The following PKIB variants were observed in gnomAD, a reference collection of about 807,000 sequenced individuals.
PKIB encodes PKI-beta.
Under a neutral mutation model 4.5 loss-of-function variants are expected in PKIB, and 2 were observed. That is an observed-to-expected ratio of 0.44 (90% CI 0.18 to 1.39). PKIB has a LOEUF of 1.39. Among genes scored for constraint, PKIB ranks in the 40% most tolerant of loss-of-function variants. The pLI is 0.27. For missense variants in PKIB, 94 were observed against 92.6 expected, an observed-to-expected ratio of 1.02 and a Z score of -0.06; for synonymous variants, 38 against 36.0, an observed-to-expected ratio of 1.06 and a Z score of -0.20.
chr6:122,618,504 G>A (rs1217126548), intron 1 of PKIB, among the ~76,000 whole-genome samples: 4 of 151,680 alleles, frequency 2.6e-5, no homozygotes, highest in African/African-American at 9.7e-5. Context: ...ATGAAAATCA[G>A]AAATTTCAGA....
chr6:122,640,638 T>C (rs1387654545), intron 2 of PKIB, among the ~76,000 whole-genome samples: 1 of 152,206 alleles, frequency 6.6e-6, no homozygotes. Flanking sequence ...GTATCAACTG[T>C]TGCATAATTT....
chr6:122,662,307 CCTTTT>C (rs1777030104), intron 2 of PKIB, among the ~76,000 whole-genome samples: 1 of 14,514 alleles, frequency 6.9e-5, no homozygotes, highest in Non-Finnish European at 1.8e-4. Flanking sequence ...TTCCTTGTCT[CCTTTT>C]TTTTTTTTTT....
At chr6:122,613,471 C>T (rs901136296) in intron 1 of PKIB, among the ~76,000 whole-genome samples, 1 of 152,098 alleles carries the variant, frequency 6.6e-6, no homozygotes, top group African/African-American at 2.4e-5. Flanking sequence ...TAGACCAGGG[C>T]TCTGGTTTTC....
At chr6:122,566,989 T>TA (rs1370066175) in intron 2 of PKIB, among the ~76,000 whole-genome samples, 1 of 152,188 alleles carries the variant, frequency 6.6e-6, no homozygotes, top group Non-Finnish European at 1.5e-5. Context: ...CCTGGCTCGA[T>TA]ATACAGTGTC....
In PKIB at chr6:122,506,368, T is replaced by A. The variant is rs182517275; in HGVS notation, c.-248+28429T>A. 5.0e-3 allele frequency among the ~76,000 whole-genome samples: 765 copies of A among 152,310 alleles called. 7 individuals carry two copies. Among genetic ancestry groups the A allele is most frequent in the African/African-American group, 0.017 (711 of 41,568 alleles). ...AAATTGAAGTCTCTCATCATTTTTT[T>A]AAAGATTATATATATTTTTAAACCC... On this transcript the variant is annotated intron_variant, in intron 2 of 6. Coordinates refer to the PKIB transcript ENST00000392491.
chr6:122,664,751 T>G (rs565416696), intron 2 of PKIB, among the ~76,000 whole-genome samples: 1 of 152,300 alleles, frequency 6.6e-6, no homozygotes, highest in African/African-American at 2.4e-5. Flanking sequence ...TTGTTTTGTT[T>G]ATAGCCTTCT....
intron 3 of PKIB, among the ~76,000 whole-genome samples, chr6:122,684,093 A>G (rs1434829514): frequency 6.6e-6 from 1 of 152,218 alleles, no homozygotes; most frequent in Non-Finnish European, 1.5e-5. Flanking sequence ...ACAGAAAGAC[A>G]AATGCTGCAT....
intron 3 of PKIB, among the ~76,000 whole-genome samples, chr6:122,696,640 A>T (rs1255261414): frequency 1.3e-5 from 2 of 152,222 alleles, no homozygotes; most frequent in African/African-American, 4.8e-5. Context: ...AAGTGATTTC[A>T]TGGACCTCAT....
At chr6:122,575,790 C>T (rs1420459392) in intron 2 of PKIB, among the ~76,000 whole-genome samples, 1 of 152,054 alleles carries the variant, frequency 6.6e-6, no homozygotes. Flanking sequence ...GGGTAAAAGG[C>T]TATATATTGG....
chr6:122,506,334 CTGA>C (rs1371961424), intron 2 of PKIB, among the ~76,000 whole-genome samples: 3 of 152,126 alleles, frequency 2.0e-5, no homozygotes, highest in African/African-American at 7.2e-5. Flanking sequence ...GGGAAGAAAA[CTGA>C]TACACAAATT....
chr6:122,654,646 T>G (rs1214687372), intron 2 of PKIB, among the ~76,000 whole-genome samples: 1 of 152,184 alleles, frequency 6.6e-6, no homozygotes, highest in East Asian at 1.9e-4. Flanking sequence ...TAAACCTACA[T>G]TTTGGTGTTC....
intron 2 of PKIB, among the ~76,000 whole-genome samples, chr6:122,564,999 T>C (rs532262565): frequency 2.0e-4 from 30 of 152,250 alleles, no homozygotes; most frequent in East Asian, 7.7e-4. Context: ...TCAAGAGAAG[T>C]GTGAGTTTGT....
At chr6:122,576,282 G>A (rs1773527075) in intron 2 of PKIB, among the ~76,000 whole-genome samples, 1 of 151,516 alleles carries the variant, frequency 6.6e-6, no homozygotes, top group Non-Finnish European at 1.5e-5. Context: ...GGCGGATCAC[G>A]AGGTCAGGAG....
intron 3 of PKIB, among the ~76,000 whole-genome samples, chr6:122,679,842 G>T (rs1777826130): frequency 6.6e-6 from 1 of 152,134 alleles, no homozygotes; most frequent in African/African-American, 2.4e-5. Flanking sequence ...AGTTGTGAGA[G>T]GTATTCTTTT....
chr6:122,536,181 C>A (rs1358673327), intron 2 of PKIB, among the ~76,000 whole-genome samples: 1 of 152,132 alleles, frequency 6.6e-6, no homozygotes, highest in Non-Finnish European at 1.5e-5. Context: ...CTCAAGTGAT[C>A]CACCTGCCTT....
chr6:122,544,285 A>G (rs1307342278), intron 2 of PKIB, among the ~76,000 whole-genome samples: 2 of 152,020 alleles, frequency 1.3e-5, no homozygotes, highest in Non-Finnish European at 2.9e-5. Context: ...AAACTTTTGT[A>G]TGATATATAC....
At chr6:122,626,844 T>C (rs1162160978) in intron 1 of PKIB, among the ~76,000 whole-genome samples, 1 of 152,156 alleles carries the variant, frequency 6.6e-6, no homozygotes, top group Non-Finnish European at 1.5e-5. Flanking sequence ...AGATGATAAC[T>C]TTCAAATAAA....
At chr6:122,484,602 T>C (rs1775710959) in intron 2 of PKIB, among the ~76,000 whole-genome samples, 1 of 152,220 alleles carries the variant, frequency 6.6e-6, no homozygotes, top group African/African-American at 2.4e-5. Context: ...ATTTTCCTTA[T>C]CAGAAATTCA....
At chr6:122,505,496 G>A (rs1776370183) in intron 2 of PKIB, among the ~76,000 whole-genome samples, 1 of 152,104 alleles carries the variant, frequency 6.6e-6, no homozygotes, top group Non-Finnish European at 1.5e-5. Context: ...TAGACTAAAA[G>A]TAAACAGCAT....
Sources: allele counts gnomAD v4.1 joint callset (sites outside exome capture counted in the v4.1 genomes callset), GRCh38; gene constraint gnomAD v4.1.1; transcripts MANE v1.5; gene names NCBI Gene and HGNC (gene_info 2026-07-23, HGNC 2026-07-21).